The following ALDH1L1 variants were observed in gnomAD, a reference collection of about 807,000 sequenced individuals.
ALDH1L1 encodes the protein cytosolic 10-formyltetrahydrofolate dehydrogenase.
Under a neutral mutation model 101.1 loss-of-function variants are expected in ALDH1L1, and 68 were observed. That is an observed-to-expected ratio of 0.67 (90% CI 0.55 to 0.82). ALDH1L1 has a LOEUF of 0.82. ALDH1L1 is among the 40% of genes least tolerant of loss of function. The pLI is 0.00. For synonymous variants in ALDH1L1, 486 were observed against 470.8 expected (o/e 1.03, Z -0.42); for missense variants, 1,087 against 1,172.7 (o/e 0.93, Z 1.07).
intron 7 of ALDH1L1, chr3:126,152,219 A>T (rs2080819955): frequency 6.6e-6 from 1 of 152,204 alleles, no homozygotes; most frequent in East Asian, 1.9e-4. Flanking sequence ...AGGCAGGTAT[A>T]ATTGGAGGGT....
chr3:126,138,201 C>A (rs1273354143), intron 9 of ALDH1L1, among the ~76,000 whole-genome samples: 1 of 152,188 alleles, frequency 6.6e-6, no homozygotes, highest in Non-Finnish European at 1.5e-5. Context: ...TCCTCTAAGC[C>A]TTAATTTCTT....
upstream of ALDH1L1, chr3:126,181,032 A>T: frequency 6.3e-7 from 1 of 1,588,530 alleles, no homozygotes. Context: ...CCGCTTGCAG[A>T]GGCGGCCCCT....
chr3:126,158,382 CCT>C, intron 3 of ALDH1L1, 21 bp downstream of exon 3: 2 of 1,537,206 alleles, frequency 1.3e-6, no homozygotes, highest in Non-Finnish European at 1.8e-6. Flanking sequence ...GGGATGGCCC[CCT>C]GTGTTTTTGC....
intron 1 of ALDH1L1, among the ~76,000 whole-genome samples, chr3:126,171,116 G>A (rs2081266920): frequency 1.3e-5 from 2 of 152,154 alleles, no homozygotes; most frequent in South Asian, 2.1e-4. Flanking sequence ...GGCTAACACG[G>A]TGAAACCCCG....
chr3:126,105,855 C>G lies in ALDH1L1; in HGVS notation c.2524G>C (p.Asp842His), dbSNP rs746372949. ...FGLASGVFTR[D>H]INKALYVSDK... is the part of the protein sequence containing the mutation. Reference sequence around the variant, plus strand: ...CTGACATACAGGGCCTTGTTGATGTCCCTGGTGAAGACACCAGAAGCCAGG... The same window carrying G: ...CTGACATACAGGGCCTTGTTGATGTGCCTGGTGAAGACACCAGAAGCCAGG... The change falls in exon 22 of 23, where the codon GAC becomes CAC. Residue 842 changes from aspartate (D) to histidine (H), a missense_variant. Physicochemically the swap from Asp to His is moderately conservative, Grantham distance 81 (BLOSUM62 -1). Coordinates refer to ENST00000393434, the MANE Select transcript of ALDH1L1 (RefSeq NM_012190.4). 9 of 1,614,106 alleles carry G rather than the reference C, an allele frequency of 5.6e-6. No homozygotes were observed. The East Asian group carries it at 2.0e-4, about 36-fold the overall frequency.
chr3:126,155,521 G>A lies in ALDH1L1; in HGVS notation c.529-18C>T, dbSNP rs372308104. The A allele has an allele frequency of 3.1e-6, 5 of 1,600,476 alleles. No individual in the cohort carries two copies. The South Asian group carries it at 4.5e-5, about 14-fold the overall frequency. ...GCCTGCACCTGGGGAGATCCAGTGGGTTGCTATCCCCAGCAATAGGACCCT... is the reference window on the plus strand; with the variant it reads ...GCCTGCACCTGGGGAGATCCAGTGGATTGCTATCCCCAGCAATAGGACCCT... On this transcript the variant is annotated intron_variant, in intron 4 of 22. Transcript: ENST00000393434.
chr3:126,127,219 G>A (rs1336165462), intron 14 of ALDH1L1, among the ~76,000 whole-genome samples: 2 of 152,202 alleles, frequency 1.3e-5, no homozygotes, highest in East Asian at 1.9e-4. Flanking sequence ...GTGCAGAGCT[G>A]GCCCTGGCAC....
intron 1 of ALDH1L1, among the ~76,000 whole-genome samples, chr3:126,172,094 T>C (rs60630242): frequency 0.075 from 11,438 of 152,258 alleles, 602 homozygotes; most frequent in East Asian, 0.2. Flanking sequence ...TTCTAACTCC[T>C]AGACAGGTAA....
intron 12 of ALDH1L1, among the ~76,000 whole-genome samples, chr3:126,131,916 G>T (rs909077910): frequency 6.6e-6 from 1 of 152,262 alleles, no homozygotes; most frequent in Non-Finnish European, 1.5e-5. Context: ...TGAACCAGGA[G>T]AAAGTCCATC....
chr3:126,107,274 C>T, intron 20 of ALDH1L1, 28 bp from the exon 21 acceptor site: 5 of 1,580,796 alleles, frequency 3.2e-6, no homozygotes, highest in Non-Finnish European at 4.3e-6. Context: ...GCCCGTTGCA[C>T]ATGGGAGACA....
intron 21 of ALDH1L1, 135 bp downstream of exon 21, chr3:126,107,006 G>A (rs950323470): frequency 1.9e-5 from 14 of 753,666 alleles, no homozygotes; most frequent in African/African-American, 6.9e-5. Flanking sequence ...CGGCACAAGC[G>A]GGGTGTCCAC....
intron 9 of ALDH1L1, among the ~76,000 whole-genome samples, chr3:126,143,035 G>A (rs551977945): frequency 4.1e-4 from 63 of 152,282 alleles, no homozygotes; most frequent in Non-Finnish European, 7.4e-4. Flanking sequence ...CTTAGCCTAG[G>A]CTACCTTAAA....
At chr3:126,174,282 G>A (rs2081334524) in intron 1 of ALDH1L1, among the ~76,000 whole-genome samples, 1 of 152,138 alleles carries the variant, frequency 6.6e-6, no homozygotes, top group African/African-American at 2.4e-5. Context: ...TGCCCACCTC[G>A]GCCTCCCAAA....
At chr3:126,149,784 G>A (rs1460005138) in intron 8 of ALDH1L1, among the ~76,000 whole-genome samples, 1 of 152,176 alleles carries the variant, frequency 6.6e-6, no homozygotes, top group Admixed American at 6.5e-5. Flanking sequence ...TGCCCTGTTA[G>A]GGCCTTGCCA....
intron 21 of ALDH1L1, among the ~76,000 whole-genome samples, chr3:126,106,695 T>C (rs1945885777): frequency 1.3e-5 from 2 of 152,128 alleles, no homozygotes; most frequent in African/African-American, 4.8e-5. Flanking sequence ...CCCAGCAGCA[T>C]CAGGATAGCC....
intron 16 of ALDH1L1, 35 bp downstream of exon 16, chr3:126,124,329 G>T: frequency 6.4e-7 from 1 of 1,568,402 alleles, no homozygotes; most frequent in Non-Finnish European, 8.7e-7. Flanking sequence ...CCAGCTGCCA[G>T]AAGCCCTAGC....
intron 4 of ALDH1L1, chr3:126,156,111 C>T (rs2080898705): frequency 6.6e-6 from 1 of 152,318 alleles, no homozygotes; most frequent in Non-Finnish European, 1.5e-5. Flanking sequence ...TGGATGAGTT[C>T]CAAGTCTGCA....
chr3:126,112,954 G>A, intron 18 of ALDH1L1, 74 bp from the exon 19 acceptor site: 2 of 1,402,344 alleles, frequency 1.4e-6, no homozygotes, highest in Admixed American at 1.8e-5. Context: ...CCAGGGCCCA[G>A]CCGCCTCTTC....
At chr3:126,133,978 C>T (rs2080366198) in intron 12 of ALDH1L1, among the ~76,000 whole-genome samples, 1 of 152,192 alleles carries the variant, frequency 6.6e-6, no homozygotes, top group Non-Finnish European at 1.5e-5. Context: ...CAGGGGACTG[C>T]CTAGGAACCT....
Sources: gnomAD v4.1 joint callset for allele counts (sites outside exome capture counted in the v4.1 genomes callset) on GRCh38, gnomAD v4.1.1 for gene constraint, MANE v1.5 for transcripts, NCBI Gene and HGNC (gene_info 2026-07-23, HGNC 2026-07-21) for gene names.